Variants in MYH8 observed in about 807,000 individuals in gnomAD.
MYH8 encodes myosin-8.
In MYH8, 168 loss-of-function variants were observed where a neutral mutation model predicts 233.2. That is an observed-to-expected ratio of 0.72 (90% CI 0.64 to 0.82). The LOEUF (loss-of-function observed/expected upper bound fraction) is 0.82, where lower values mean the gene tolerates loss of function less well. Among genes scored for constraint, MYH8 ranks in the 40% least tolerant of loss-of-function variants. MYH8 has a pLI of 0.00. For synonymous variants in MYH8, 785 were observed against 850.6 expected, an observed-to-expected ratio of 0.92 and a Z score of 1.34; for missense variants, 1,995 against 2,327.8, an observed-to-expected ratio of 0.86 and a Z score of 2.94.
rs756584687 is a variant in MYH8 at position 10,396,597 on chromosome 17, A to C, written c.4484T>G (p.Leu1495Arg). Residue 1495 changes from leucine to arginine, a missense_variant, in exon 32 of 40, where the codon CTG becomes CGG. Around this residue, in one of 3 missense-constraint regions of MYH8, gnomAD observed 1,498 missense variants for 1,680.9 expected, o/e 0.89. Transcript: ENST00000403437. This position sits in a 1 kb window ranked among gnomAD's most constrained non-coding sequence, Gnocchi z 4.2. The stretch of plus-strand genomic sequence containing the variant: ...TCTTCTTAGCGTTTCGAGTTGATCC[A>C]GGGATTCCTCATAGACATTCTTCAC... ...FKVKNVYEES[L>R]DQLETLRREN... 1.2e-6 allele frequency: 2 copies of C among 1,614,196 alleles called. No homozygotes were observed. The highest frequency in any genetic ancestry group is 2.2e-5 in the South Asian group (2 of 91,082).
At chr17:10,403,956 G>A (rs1439732358) in intron 22 of MYH8, among the ~76,000 whole-genome samples, 3 of 152,244 alleles carry the variant, frequency 2.0e-5, no homozygotes, top group Admixed American at 6.5e-5. Context: ...AAATAAATAA[G>A]TTTGAATTTA....
rs925918079 is a variant in MYH8, at chr17:10,394,238, G to T, written c.5166+11C>A. 2 of 1,613,688 alleles carry T rather than the reference G, an allele frequency of 1.2e-6. No homozygotes were observed. Among genetic ancestry groups the T allele is most frequent in the African/African-American group, 2.7e-5 (2 of 74,832 alleles). On this transcript the variant is annotated intron_variant, in intron 35 of 39. Coordinates refer to ENST00000403437, the MANE Select transcript of MYH8 (RefSeq NM_002472.3). The stretch of plus-strand genomic sequence containing the variant: ...CAGTACACCAGCATTTGTTTGATGT[G>T]AGGGTCTCACCTGGGTGTGGAGGAG...
intron 12 of MYH8, 35 bp from the exon 13 acceptor site, chr17:10,412,763 G>T (rs778769741): frequency 1.3e-6 from 2 of 1,503,596 alleles, no homozygotes; most frequent in Non-Finnish European, 1.9e-6. Context: ...GTTGTTTCAT[G>T]AAGGATATCC....
rs764923155 is a variant in MYH8 at position 10,393,065 on chromosome 17, A to G, written c.5292+20T>C. 1 of 1,614,244 alleles carries G rather than the reference A, an allele frequency of 6.2e-7. No homozygotes were observed. Among genetic ancestry groups the G allele is most frequent in the Non-Finnish European group, 8.5e-7 (1 of 1,180,040 alleles). ...TGATAGCAGGTGCATACGTGTCAGTAGGCCAAATGTTCATCTTACATCAGT... is the reference window on the plus strand; with the variant it reads ...TGATAGCAGGTGCATACGTGTCAGTGGGCCAAATGTTCATCTTACATCAGT... On this transcript the variant is annotated intron_variant, in intron 36 of 39. Transcript: ENST00000403437.
At chr17:10,394,736 C>T (rs140703692) in intron 34 of MYH8, among the ~76,000 whole-genome samples, 108 of 152,274 alleles carry the variant, frequency 7.1e-4, no homozygotes, top group African/African-American at 2.2e-3. Context: ...CAGGACTTGA[C>T]ATCTGTTATT....
intron 21 of MYH8, 118 bp from the exon 22 acceptor site, chr17:10,404,703 C>G (rs1323452557): frequency 3.3e-6 from 4 of 1,217,614 alleles, no homozygotes; most frequent in Non-Finnish European, 4.7e-6. Flanking sequence ...ATGTCACATT[C>G]TCTATATATT....
intron 17 of MYH8, among the ~76,000 whole-genome samples, chr17:10,408,625 T>G (rs2142182547): frequency 6.6e-6 from 1 of 152,360 alleles, no homozygotes; most frequent in Admixed American, 6.5e-5. Context: ...TTTAAGTCAC[T>G]GGGCTTGGCT....
Position 10,406,909 on chromosome 17 carries a change from T to C in MYH8, c.2036A>G (p.Asn679Ser), listed in dbSNP as rs768386064. 37 of 1,614,090 alleles carry C rather than the reference T, an allele frequency of 2.3e-5. No homozygotes were observed. In the East Asian group the frequency reaches 2.7e-4, roughly 12 times the overall value. Reference protein sequence around the residue: ...HPHFVRCIIPNETKTPGAMEH... With the variant: ...HPHFVRCIIPSETKTPGAMEH... Reference sequence around the variant, plus strand: ...TGTCTTACCAGGAGTTTTGGTTTCATTGGGAATGATACACCGTACGAAGTG... The same window carrying C: ...TGTCTTACCAGGAGTTTTGGTTTCACTGGGAATGATACACCGTACGAAGTG... The change falls in exon 18 of 40, where the codon AAT becomes AGT. Residue 679 changes from asparagine to serine, a missense_variant. Physicochemically the swap from Asn to Ser is conservative, Grantham distance 46. This residue lies in a region of MYH8 where 1,498 missense variants were observed against 1,680.9 expected (regional missense o/e 0.89). Transcript: ENST00000403437.
chr17:10,403,447 T>C (rs545574272), intron 22 of MYH8, among the ~76,000 whole-genome samples: 1 of 152,168 alleles, frequency 6.6e-6, no homozygotes, highest in African/African-American at 2.4e-5. Context: ...TGGGAACTTA[T>C]TGGGGGATTC....
intron 2 of MYH8, 52 bp downstream of exon 2, chr17:10,421,611 C>A (rs2142194702): frequency 6.6e-6 from 1 of 152,326 alleles, no homozygotes; most frequent in Admixed American, 6.5e-5. Flanking sequence ...TTCACAGCTT[C>A]ATTAGACTAT....
In MYH8 at chr17:10,394,468, C is replaced by T. The variant is rs1395777031; in HGVS notation, c.4963-16G>A. The T allele has an allele frequency of 6.2e-6, 10 of 1,613,588 alleles. No homozygotes were observed. Among genetic ancestry groups the T allele is most frequent in the African/African-American group, 2.7e-5 (2 of 74,910 alleles). On this transcript the variant is annotated splice_polypyrimidine_tract_variant and intron_variant, in intron 34 of 39. Coordinates refer to ENST00000403437, the MANE Select transcript of MYH8 (RefSeq NM_002472.3). ...GCTGGGTTTCCTAATAAGTGAAAAA[C>T]AGAAAGGCCTTAAGTGTTCTGAAGA... is the stretch of plus-strand genomic sequence containing the variant.
Position 10,409,002 on chromosome 17 carries a change from A to T in MYH8, c.1965+95T>A. 2.6e-6 allele frequency: 3 copies of T among 1,147,386 alleles called. No individual in the cohort carries two copies. In the East Asian group the frequency reaches 7.3e-5, roughly 28 times the overall value. 71.1% of individuals were successfully genotyped at this position (1,147,386 alleles called of 1,614,324 possible). A position where few individuals can be genotyped will look rare whatever the true frequency, so the allele number is the denominator to read the frequency against. ...AGAGCTGATATTTGAAGTGATTCCT[A>T]TTAACATTTTATTGCCTCATAATTT... On this transcript the variant is annotated intron_variant, in intron 17 of 39. Coordinates refer to ENST00000403437, the MANE Select transcript of MYH8 (RefSeq NM_002472.3).
Position 10,414,506 on chromosome 17 carries a change from G to A in MYH8, c.806-22C>T, listed in dbSNP as rs559715400. 12 of 1,511,268 alleles carry A rather than the reference G, an allele frequency of 7.9e-6. No individual in the cohort carries two copies. The African/African-American group carries it at 1.4e-4, about 17-fold the overall frequency. The allele number at this position is 1,511,268 out of a possible 1,614,324, so 93.6% of individuals were successfully genotyped here. Reference sequence around the variant, plus strand: ...AGATCTGGAGAGGGAAATAGATATCGAGTTTGAAAAAAGTATCAATGCTTC... The same window carrying A: ...AGATCTGGAGAGGGAAATAGATATCAAGTTTGAAAAAAGTATCAATGCTTC... On this transcript the variant is annotated intron_variant, in intron 9 of 39. Coordinates refer to ENST00000403437, the MANE Select transcript of MYH8 (RefSeq NM_002472.3).
rs770318554 is a variant in MYH8, at chr17:10,400,876, T to C, written c.3338A>G (p.Glu1113Gly). ...AGAGGTGAGATGACTCACCTGCAACTCTTTGATCTTCTTCTGTAGTTGAAT... is the reference window on the plus strand; with the variant it reads ...AGAGGTGAGATGACTCACCTGCAACCCTTTGATCTTCTTCTGTAGTTGAAT... ...VEIQLQKKIK[E>G]LQARIEELGE... The change falls in exon 26 of 40, where the codon GAG (glutamate) becomes GGG (glycine). Residue 1113 changes from glutamate (E) to glycine (G), a missense_variant. Coordinates refer to ENST00000403437, the MANE Select transcript of MYH8 (RefSeq NM_002472.3). This position sits in a 1 kb window ranked among gnomAD's most constrained non-coding sequence, Gnocchi z 4.0. The C allele has an allele frequency of 6.2e-7, 1 of 1,613,868 alleles. No individual in the cohort carries two copies. The highest frequency in any genetic ancestry group is 8.5e-7 in the Non-Finnish European group (1 of 1,180,022).
At chr17:10,392,514 G>C (rs772588819) in intron 38 of MYH8, 28 bp downstream of exon 38, 1 of 1,581,804 alleles carries the variant, frequency 6.3e-7, no homozygotes, top group East Asian at 2.2e-5. Context: ...CAGGAAGAGT[G>C]GATATTCTGG....
chr17:10,397,011 G>A lies in MYH8; in HGVS notation c.4179-25C>T, dbSNP rs199690359. 7.9e-5 allele frequency: 128 copies of A among 1,613,774 alleles called. No homozygotes were observed. In the South Asian group the frequency reaches 1.3e-3, roughly 17 times the overall value. ...CCTGAAAAGTTAGCCAGGCAGTCAG[G>A]AGAATGGCCAAGACCAGAAGCAAAG... On this transcript the variant is annotated intron_variant, in intron 30 of 39. Coordinates refer to ENST00000403437, the MANE Select transcript of MYH8 (RefSeq NM_002472.3).
rs1173172490 is a variant in MYH8 at position 10,399,571 on chromosome 17, T to C, written c.3834A>G (p.Ala1278=). The C allele has an allele frequency of 1.9e-6, 3 of 1,613,922 alleles. No individual in the cohort carries two copies. Among genetic ancestry groups the C allele is most frequent in the Admixed American group, 3.3e-5 (2 of 60,028 alleles). Residue 1278 remains alanine, a synonymous_variant, in exon 28 of 40, where the codon GCA becomes GCG. Coordinates refer to ENST00000403437, the MANE Select transcript of MYH8 (RefSeq NM_002472.3). ...CTTCTGTCTGCAGGCGCGCTCTCTG[T>C]GCTGTGAGGTCATTGATCAGCCGCT... ...EQQRLINDLT[A]QRARLQTEAG...
Position 10,392,594 on chromosome 17 carries a change from G to A in MYH8, c.5516C>T (p.Ala1839Val), listed in dbSNP as rs745978736. 1 of 1,614,104 alleles carries A rather than the reference G, an allele frequency of 6.2e-7. No individual in the cohort carries two copies. Among genetic ancestry groups the A allele is most frequent in the Non-Finnish European group, 8.5e-7 (1 of 1,180,020 alleles). Reference protein sequence around the residue: ...VENEQKRNAEAVKGLRKHERR... With the variant: ...VENEQKRNAEVVKGLRKHERR... ...CTCATGTTTCCGTAAACCTTTAACA[G>A]CCTCTGCATTACGTTTCTGTTCATT... Residue 1839 changes from alanine (A) to valine (V), a missense_variant, in exon 38 of 40, where the codon GCT (alanine) becomes GTT (valine). This residue lies in a region of MYH8 where 1,498 missense variants were observed against 1,680.9 expected (regional missense o/e 0.89). Coordinates refer to ENST00000403437, the MANE Select transcript of MYH8 (RefSeq NM_002472.3).
chr17:10,401,382 C>A lies in MYH8; in HGVS notation c.3001G>T (p.Ala1001Ser). The change falls in exon 24 of 40, where the codon GCT becomes TCT. Residue 1001 changes from alanine to serine, a missense_variant. Around this residue, in one of 3 missense-constraint regions of MYH8, gnomAD observed 1,498 missense variants for 1,680.9 expected, o/e 0.89. Coordinates refer to ENST00000403437, the MANE Select transcript of MYH8 (RefSeq NM_002472.3). ...GTCTGCTGGTGGGTCTCTTGGAGAG[C>A]CTTCTTCTCCTTGGACAGTTTTGCA... is the stretch of plus-strand genomic sequence containing the variant. ...TIAKLSKEKK[A>S]LQETHQQTLD... 6.2e-7 allele frequency: 1 copy of A among 1,613,980 alleles called. No homozygotes were observed. The highest frequency in any genetic ancestry group is 1.3e-5 in the African/African-American group (1 of 74,964).
Sources: allele counts gnomAD v4.1 joint callset (sites outside exome capture counted in the v4.1 genomes callset), GRCh38; gene constraint gnomAD v4.1.1; regional missense constraint gnomAD v4.1.1; non-coding constraint Gnocchi (gnomAD v3.1); transcripts MANE v1.5; gene names NCBI Gene and HGNC (gene_info 2026-07-23, HGNC 2026-07-21).